PRR16: variants seen among roughly 807,000 people sequenced by gnomAD.
PRR16 encodes the protein protein Largen.
In PRR16, 6 loss-of-function variants were observed where a neutral mutation model predicts 18.2. That is an observed-to-expected ratio of 0.33 (90% CI 0.18 to 0.65). PRR16 has a LOEUF of 0.65. Among genes scored for constraint, PRR16 ranks in the 30% least tolerant of loss-of-function variants. PRR16 has a pLI of 0.74. For synonymous variants in PRR16, 151 were observed against 147.8 expected, an observed-to-expected ratio of 1.02 and a Z score of -0.16; for missense variants, 412 against 376.6, an observed-to-expected ratio of 1.09 and a Z score of -0.78.
At chr5:120,592,386 A>G (rs531125163) in intron 1 of PRR16, among the ~76,000 whole-genome samples, 3 of 152,332 alleles carry the variant, frequency 2.0e-5, no homozygotes, top group East Asian at 1.9e-4. Context: ...AGTAAATGCA[A>G]CTAAGTTGCA....
At chr5:120,748,021 T>C in the PRR16 span, among the ~76,000 whole-genome samples, 1 of 152,108 alleles carries the variant, frequency 6.6e-6, no homozygotes, top group African/African-American at 2.4e-5. Context: ...TCTCTATATA[T>C]TATCCAACAA....
intron 1 of PRR16, 39 bp from the exon 2 acceptor site, chr5:120,685,915 G>C (rs1189210991): frequency 1.3e-6 from 2 of 1,563,756 alleles, no homozygotes; most frequent in South Asian, 2.4e-5. Flanking sequence ...ACTTTGTTTG[G>C]GTCATTCTTC....
intron 1 of PRR16, among the ~76,000 whole-genome samples, chr5:120,539,949 T>A (rs2112680870): frequency 6.6e-6 from 1 of 152,268 alleles, no homozygotes; most frequent in East Asian, 1.9e-4. Flanking sequence ...TCAAAATCCC[T>A]TTTTGGTTGA....
intron 1 of PRR16, among the ~76,000 whole-genome samples, chr5:120,545,232 C>G (rs1561539808): frequency 6.6e-6 from 1 of 151,918 alleles, no homozygotes; most frequent in African/African-American, 2.4e-5. Context: ...TTGTCTCTTC[C>G]AAATGTTTTA....
chr5:120,769,786 C>A, the PRR16 span, among the ~76,000 whole-genome samples: 1 of 151,866 alleles, frequency 6.6e-6, no homozygotes, highest in Non-Finnish European at 1.5e-5. Flanking sequence ...AGACTTCATA[C>A]TCTTTTCTCT....
intron 1 of PRR16, among the ~76,000 whole-genome samples, chr5:120,538,153 T>A (rs931994927): frequency 6.6e-6 from 1 of 152,216 alleles, no homozygotes; most frequent in Non-Finnish European, 1.5e-5. Context: ...TAAGACTGAG[T>A]TGTCTATTCA....
the PRR16 span, among the ~76,000 whole-genome samples, chr5:120,781,009 C>A: frequency 6.6e-6 from 1 of 152,186 alleles, no homozygotes; most frequent in African/African-American, 2.4e-5. Flanking sequence ...GAGATCGCGC[C>A]ACTGCCCTTC....
chr5:120,787,867 T>C, the PRR16 span, among the ~76,000 whole-genome samples: 2 of 152,024 alleles, frequency 1.3e-5, no homozygotes, highest in African/African-American at 4.8e-5. Flanking sequence ...ATATCTACTT[T>C]TACATAGTAT....
chr5:120,503,288 C>A (rs939824740), intron 1 of PRR16, among the ~76,000 whole-genome samples: 12 of 152,140 alleles, frequency 7.9e-5, no homozygotes, highest in African/African-American at 2.9e-4. Flanking sequence ...AAAAGGGGTG[C>A]AAATTCTAAA....
Position 120,545,126 on chromosome 5 carries a change from A to C in PRR16, c.159+80481A>C, listed in dbSNP as rs989445441. Among the ~76,000 whole-genome samples the C allele has an allele frequency of 2.0e-5, 3 of 152,076 alleles. No homozygotes were observed. In the South Asian group the frequency reaches 6.2e-4, roughly 31 times the overall value. On this transcript the variant is annotated intron_variant, in intron 1 of 1. Transcript: ENST00000407149. ...CAGAGATATGCTATTTAGGAATCTA[A>C]ATTTGAACATCACATTTTTTCTTCT...
At chr5:120,782,963 A>G in the PRR16 span, among the ~76,000 whole-genome samples, 1 of 152,162 alleles carries the variant, frequency 6.6e-6, no homozygotes, top group Non-Finnish European at 1.5e-5. Flanking sequence ...TGTCAGGCAG[A>G]TGCACACTTA....
intron 1 of PRR16, among the ~76,000 whole-genome samples, chr5:120,549,968 A>G (rs531597289): frequency 6.6e-6 from 1 of 152,052 alleles, no homozygotes; most frequent in African/African-American, 2.4e-5. Flanking sequence ...AAGGATGACT[A>G]AGGGGATGTG....
At position 120,686,230 on chromosome 5, in the gene PRR16, C is replaced by A; in HGVS notation, c.436C>A (p.Pro146Thr). 2 of 1,614,136 alleles carry A rather than the reference C, an allele frequency of 1.2e-6. No homozygotes were observed. Among genetic ancestry groups the A allele is most frequent in the South Asian group, 1.1e-5 (1 of 91,084 alleles). Residue 146 changes from proline (P) to threonine (T), a missense_variant, in exon 2 of 2, where the codon CCT becomes ACT. By Grantham distance (38) the Pro-to-Thr change is conservative. Transcript: ENST00000407149. ...DPKRVVPTAN[P>T]VKTNGTLLRN... is the part of the protein sequence containing the mutation. ...CAAAAGGGTGGTTCCAACTGCCAAT[C>A]CTGTAAAAACCAATGGCACCCTTCT... is the stretch of plus-strand genomic sequence containing the variant.
At chr5:120,622,476 T>TATATTTATTTATTTA (rs1357247195) in intron 1 of PRR16, among the ~76,000 whole-genome samples, 1 of 151,816 alleles carries the variant, frequency 6.6e-6, no homozygotes, top group East Asian at 1.9e-4. Context: ...TTATTTATTT[T>TATATTTATTTATTTA]ATATTTATTT....
At chr5:120,473,592 G>C (rs1229979571) in intron 1 of PRR16, among the ~76,000 whole-genome samples, 1 of 152,132 alleles carries the variant, frequency 6.6e-6, no homozygotes, top group South Asian at 2.1e-4. Flanking sequence ...CATTGTATGT[G>C]TGTCTGTCAT....
chr5:120,536,935 C>T (rs565645227), intron 1 of PRR16, among the ~76,000 whole-genome samples: 1 of 152,144 alleles, frequency 6.6e-6, no homozygotes, highest in Non-Finnish European at 1.5e-5. Context: ...AGCTGATTAG[C>T]ACAGGAACAG....
intron 1 of PRR16, among the ~76,000 whole-genome samples, chr5:120,588,275 C>G (rs545029111): frequency 5.9e-5 from 9 of 152,244 alleles, no homozygotes; most frequent in Non-Finnish European, 1.2e-4. Context: ...AAAGCTATGG[C>G]GGGGTTTGAA....
At chr5:120,754,521 T>C in the PRR16 span, among the ~76,000 whole-genome samples, 1 of 107,446 alleles carries the variant, frequency 9.3e-6, no homozygotes, top group Non-Finnish European at 1.7e-5. Context: ...TTATATATTA[T>C]ATATTATATA....
At chr5:120,575,863 C>G (rs1753060193) in intron 1 of PRR16, among the ~76,000 whole-genome samples, 1 of 152,086 alleles carries the variant, frequency 6.6e-6, no homozygotes, top group Non-Finnish European at 1.5e-5. Context: ...TCAAATTATT[C>G]CTGTTTGTAA....
Sources: allele counts gnomAD v4.1 joint callset (sites outside exome capture counted in the v4.1 genomes callset), GRCh38; gene constraint gnomAD v4.1.1; transcripts MANE v1.5; gene names NCBI Gene and HGNC (gene_info 2026-07-23, HGNC 2026-07-21).